The following AMZ1 variants were observed in gnomAD, a reference collection of about 807,000 sequenced individuals.
The protein encoded by AMZ1 is archaelysin family metallopeptidase 1.
Under a neutral mutation model 29.9 loss-of-function variants are expected in AMZ1, and 39 were observed. The ratio of observed to expected loss-of-function variants is 1.30; its 90% CI spans 1.01 to 1.70. AMZ1 has a LOEUF of 1.70. AMZ1 is among the 40% of genes most tolerant of loss of function. The pLI, the probability that AMZ1 is intolerant of heterozygous loss-of-function variation, is 0.00. For missense variants in AMZ1, 1,041 were observed against 680.6 expected (o/e 1.53, Z -5.89); for synonymous variants, 458 against 304.0 (o/e 1.51, Z -5.27).
intron 4 of AMZ1, chr7:2,729,536 G>T (rs952238258): frequency 3.9e-5 from 6 of 152,418 alleles, no homozygotes; most frequent in African/African-American, 1.2e-4. Context: ...AGAACGCTGT[G>T]CTAACAGGGT....
At chr7:2,735,641 C>T (rs1393367374) in intron 4 of AMZ1, among the ~76,000 whole-genome samples, 1 of 152,226 alleles carries the variant, frequency 6.6e-6, no homozygotes, top group Non-Finnish European at 1.5e-5. Context: ...CTCACTGCTG[C>T]TTTCTCCACG....
intron 1 of AMZ1, among the ~76,000 whole-genome samples, chr7:2,692,819 TCCTGCGCGATGTG>T (rs1787480552): frequency 6.6e-6 from 1 of 152,066 alleles, no homozygotes; most frequent in African/African-American, 2.4e-5. Context: ...GCCTCCCGGC[TCCTGCGCGATGTG>T]TCCCCATCTT....
chr7:2,739,083 C>T (rs1009455120), intron 4 of AMZ1, among the ~76,000 whole-genome samples: 3 of 152,310 alleles, frequency 2.0e-5, no homozygotes, highest in East Asian at 3.9e-4. Context: ...GTGTCCTCGG[C>T]GTGTGCAGGG....
At chr7:2,681,055 C>T (rs564501514) in intron 1 of AMZ1, among the ~76,000 whole-genome samples, 71 of 152,340 alleles carry the variant, frequency 4.7e-4, no homozygotes, top group African/African-American at 1.3e-3. Context: ...TCCCTGCCCA[C>T]GGATGCCCCC....
At chr7:2,682,482 G>A (rs1786918444) in intron 1 of AMZ1, among the ~76,000 whole-genome samples, 1 of 152,130 alleles carries the variant, frequency 6.6e-6, no homozygotes, top group Non-Finnish European at 1.5e-5. Context: ...TGGGGAAACG[G>A]AGGCACGGGC....
chr7:2,763,804 C>T (rs1466012196), upstream of AMZ1, among the ~76,000 whole-genome samples: 1 of 152,210 alleles, frequency 6.6e-6, no homozygotes, highest in Non-Finnish European at 1.5e-5. Context: ...GCTCCCTGGG[C>T]AGGCGAGGCC....
At chr7:2,728,845 G>C (rs572059666) in intron 4 of AMZ1, 1 of 152,180 alleles carries the variant, frequency 6.6e-6, no homozygotes, top group Admixed American at 6.6e-5. Context: ...CGGTCATGAG[G>C]AGGAGGAGGA....
At chr7:2,754,061 C>T (rs558894959) in intron 4 of AMZ1, among the ~76,000 whole-genome samples, 3 of 152,232 alleles carry the variant, frequency 2.0e-5, no homozygotes, top group African/African-American at 4.8e-5. Context: ...TTTTCCAGAA[C>T]GGTTGTACCC....
chr7:2,691,509 G>A (rs529371904), intron 1 of AMZ1, among the ~76,000 whole-genome samples: 1 of 148,700 alleles, frequency 6.7e-6, no homozygotes, highest in Non-Finnish European at 1.5e-5. Context: ...TCGGGAGGCC[G>A]AGGCGGGTGG....
chr7:2,712,497 C>A lies in AMZ1; in HGVS notation c.1116C>A (p.Ala372=). The part of the protein sequence containing the change: ...TSVSEPLTPD[A]GSHTFASGPE... ...TGTCGGAGCCCCTCACCCCTGATGC[C>A]GGGAGTCACACCTTCGCCTCGGGGC... is the stretch of plus-strand genomic sequence containing the variant. Residue 372 remains alanine, a synonymous_variant, in exon 7 of 7, where the codon GCC becomes GCA. Transcript: ENST00000683327. The A allele has an allele frequency of 6.2e-7, 1 of 1,609,172 alleles. No individual in the cohort carries two copies. The highest frequency in any genetic ancestry group is 1.7e-5 in the Admixed American group (1 of 59,730).
At position 2,716,947 on chromosome 7, in the gene AMZ1, C is replaced by G. The variant is rs906694115; in HGVS notation, c.*4069C>G. On this transcript the variant is annotated 3_prime_UTR_variant, in exon 7 of 7. Transcript: ENST00000683327. Reference sequence around the variant, plus strand: ...GCGCAGTCTGTTCTTGCTTGAACCCCGAGTTCTCCCGCTGTTGTGCAGCTT... The same window carrying G: ...GCGCAGTCTGTTCTTGCTTGAACCCGGAGTTCTCCCGCTGTTGTGCAGCTT... Among the ~76,000 whole-genome samples, 3 of 152,186 alleles carry G rather than the reference C, an allele frequency of 2.0e-5. No individual in the cohort carries two copies. Among genetic ancestry groups the G allele is most frequent in the Non-Finnish European group, 4.4e-5 (3 of 68,034 alleles).
chr7:2,711,494 C>A (rs1788774632), intron 6 of AMZ1, among the ~76,000 whole-genome samples: 1 of 152,210 alleles, frequency 6.6e-6, no homozygotes, highest in Non-Finnish European at 1.5e-5. Context: ...TGTGTGTCCC[C>A]TGTACAGATG....
intron 4 of AMZ1, chr7:2,728,521 G>A (rs1482227569): frequency 6.6e-6 from 1 of 152,294 alleles, no homozygotes; most frequent in Non-Finnish European, 1.5e-5. Context: ...CCCTATATGC[G>A]TCTTATGTGT....
Position 2,709,257 on chromosome 7 carries a change from T to C in AMZ1, c.771+13T>C, listed in dbSNP as rs751825267. On this transcript the variant is annotated intron_variant, in intron 5 of 6. Coordinates refer to ENST00000683327, the MANE Select transcript of AMZ1 (RefSeq NM_001384743.1). ...TCAGTGCTGCAAGGTGGGTGGGGGC[T>C]CTGGGGCTGGTAAGAGGGGACAGGA... 2.0e-6 allele frequency: 3 copies of C among 1,488,222 alleles called. No individual in the cohort carries two copies. The South Asian group carries it at 4.2e-5, about 21-fold the overall frequency. The allele number at this position is 1,488,222 out of a possible 1,614,324, so 92.2% of individuals were successfully genotyped here. A position where few individuals can be genotyped will look rare whatever the true frequency, so the allele number is the denominator to read the frequency against.
At chr7:2,689,880 C>G (rs1388963463) in intron 1 of AMZ1, among the ~76,000 whole-genome samples, 1 of 152,176 alleles carries the variant, frequency 6.6e-6, no homozygotes, top group African/African-American at 2.4e-5. Flanking sequence ...TAAGGCGGCT[C>G]CCTCCCCGTG....
chr7:2,737,660 G>T (rs921547426), intron 4 of AMZ1, among the ~76,000 whole-genome samples: 1 of 152,142 alleles, frequency 6.6e-6, no homozygotes, highest in African/African-American at 2.4e-5. Context: ...CACTGTGACC[G>T]AAAACAGGGC....
At chr7:2,704,230 T>A (rs1376716116) in intron 3 of AMZ1, among the ~76,000 whole-genome samples, 1 of 152,174 alleles carries the variant, frequency 6.6e-6, no homozygotes, top group African/African-American at 2.4e-5. Context: ...AGGCTGGACA[T>A]GGTGGCTCAC....
At chr7:2,763,108 G>T (rs1328661625), upstream of AMZ1, 18 of 1,245,588 alleles carry the variant, frequency 1.4e-5, no homozygotes, top group South Asian at 1.5e-4. Flanking sequence ...AGCAGCCTCT[G>T]AAGTCATCTT....
chr7:2,709,020 C>A (rs1353371153), intron 4 of AMZ1, 55 bp from the exon 5 acceptor site: 4 of 1,507,226 alleles, frequency 2.7e-6, no homozygotes, highest in Admixed American at 4.5e-5. Flanking sequence ...TGACGGTGGG[C>A]CCCCCAGAGC....
Sources: gnomAD v4.1 joint callset for allele counts (sites outside exome capture counted in the v4.1 genomes callset) on GRCh38, gnomAD v4.1.1 for gene constraint, MANE v1.5 for transcripts, NCBI Gene and HGNC (gene_info 2026-07-23, HGNC 2026-07-21) for gene names.